Variants in CD72 observed in about 807,000 individuals in gnomAD.
CD72 encodes CD72 molecule, also known as B-cell differentiation antigen CD72.
CD72 carries 28 observed loss-of-function variants against 50.7 expected under a neutral mutation model. The observed-to-expected ratio is 0.55, with a 90% CI of 0.41 to 0.76. The LOEUF (loss-of-function observed/expected upper bound fraction) is 0.76, where lower values mean the gene tolerates loss of function less well. CD72 is among the 30% of genes least tolerant of loss of function. CD72 has a pLI of 0.00. For synonymous variants in CD72, 176 were observed against 171.2 expected, an observed-to-expected ratio of 1.03 and a Z score of -0.22; for missense variants, 403 against 420.6, an observed-to-expected ratio of 0.96 and a Z score of 0.37.
chr9:35,640,883 C>T (rs1030328051), intron 1 of CD72, among the ~76,000 whole-genome samples: 3 of 152,254 alleles, frequency 2.0e-5, no homozygotes, highest in Admixed American at 6.5e-5. Flanking sequence ...GCTGTGCTCT[C>T]AGGCAAAAGG....
At chr9:35,641,405 C>T (rs1362602013) in intron 1 of CD72, among the ~76,000 whole-genome samples, 1 of 152,118 alleles carries the variant, frequency 6.6e-6, no homozygotes, top group Non-Finnish European at 1.5e-5. Flanking sequence ...ACTTCTTTGG[C>T]ACACTTTACA....
At position 35,610,623 on chromosome 9, in the gene CD72, C is replaced by T; in HGVS notation, c.*1G>A. The T allele has an allele frequency of 2.5e-6, 4 of 1,613,672 alleles. No individual in the cohort carries two copies. Among genetic ancestry groups the T allele is most frequent in the Non-Finnish European group, 3.4e-6 (4 of 1,179,748 alleles). On this transcript the variant is annotated 3_prime_UTR_variant, in exon 8 of 9. Transcript: ENST00000259633. ...TTACCAACTCAGTGCAAAGGACTGTCCTAATCTGGAAACCTGAAAGCTGTC... is the reference window on the plus strand; with the variant it reads ...TTACCAACTCAGTGCAAAGGACTGTTCTAATCTGGAAACCTGAAAGCTGTC...
intron 6 of CD72, 47 bp downstream of exon 6, chr9:35,612,801 T>A (rs1387770781): frequency 4.4e-6 from 7 of 1,585,022 alleles, no homozygotes; most frequent in East Asian, 2.2e-5. Context: ...CATATGTCCC[T>A]TTACCTAATA....
intron 1 of CD72, among the ~76,000 whole-genome samples, chr9:35,630,137 C>A (rs1301110143): frequency 1.3e-5 from 2 of 150,250 alleles, no homozygotes; most frequent in African/African-American, 4.9e-5. Context: ...CTCCCGGGTT[C>A]AAGCTATTCT....
rs138398961 is a variant in CD72 at position 35,628,378 on chromosome 9, G to A, written n.409-10257C>T. Among the ~76,000 whole-genome samples, 336 of 152,338 alleles carry A rather than the reference G, an allele frequency of 2.2e-3. 1 individual carries two copies. Among genetic ancestry groups the A allele is most frequent in the African/African-American group, 7.9e-3 (329 of 41,576 alleles). ...GAGGCTGAGGCCGGTGGATTACAAG[G>A]TCAGGAGCTCGAGACCATCCTGGCT... On this transcript the variant is annotated intron_variant and non_coding_transcript_variant, in intron 1 of 3. Transcript: ENST00000465754.
chr9:35,623,928 T>G (rs911975649), upstream of CD72, among the ~76,000 whole-genome samples: 1 of 148,856 alleles, frequency 6.7e-6, no homozygotes, highest in African/African-American at 2.5e-5. Context: ...AAAAATGGGT[T>G]AAAAAGACAA....
At chr9:35,631,659 C>T (rs949649415) in intron 1 of CD72, among the ~76,000 whole-genome samples, 2 of 152,100 alleles carry the variant, frequency 1.3e-5, no homozygotes, top group Non-Finnish European at 2.9e-5. Flanking sequence ...TTTGGGAGGC[C>T]GAGGCGGGCG....
chr9:35,633,805 C>T (rs1040565345), intron 1 of CD72, among the ~76,000 whole-genome samples: 3 of 152,086 alleles, frequency 2.0e-5, no homozygotes, highest in Non-Finnish European at 4.4e-5. Context: ...TAATGTTAGT[C>T]GAAAATGCAT....
intron 2 of CD72, among the ~76,000 whole-genome samples, chr9:35,617,663 A>C (rs1280358972): frequency 6.6e-6 from 1 of 151,608 alleles, no homozygotes; most frequent in African/African-American, 2.4e-5. Context: ...AGGGGTCTCC[A>C]CCTTGCGGGA....
rs1243869556 is a variant in CD72, at chr9:35,610,684, C to T, written c.1020G>A (p.Glu340=). ...TGTAGGGAAGAGAACTTCTACATGACTCTGACTCCAGTGTCCACCATGACC... is the reference window on the plus strand; with the variant it reads ...TGTAGGGAAGAGAACTTCTACATGATTCTGACTCCAGTGTCCACCATGACC... ...KTWSWWTLES[E]SCRSSLPYIC... The change falls in exon 8 of 9, where the codon GAG becomes GAA. Residue 340 remains glutamate, a synonymous_variant. Coordinates refer to ENST00000259633, the MANE Select transcript of CD72 (RefSeq NM_001782.3). The T allele has an allele frequency of 1.9e-6, 3 of 1,613,122 alleles. No individual in the cohort carries two copies. Among genetic ancestry groups the T allele is most frequent in the East Asian group, 2.2e-5 (1 of 44,892 alleles).
At chr9:35,627,801 C>G (rs1257607390) in intron 1 of CD72, among the ~76,000 whole-genome samples, 1 of 152,104 alleles carries the variant, frequency 6.6e-6, no homozygotes, top group Non-Finnish European at 1.5e-5. Context: ...GCTTGTCCCA[C>G]TGATGCTCCT....
intron 1 of CD72, among the ~76,000 whole-genome samples, chr9:35,631,845 G>A (rs373597851): frequency 3.1e-4 from 47 of 152,116 alleles, no homozygotes; most frequent in South Asian, 1.5e-3. Context: ...AGCCGAGATC[G>A]CCGAGCCACT....
chr9:35,612,207 G>A (rs1260996477), intron 6 of CD72, among the ~76,000 whole-genome samples: 1 of 152,144 alleles, frequency 6.6e-6, no homozygotes, highest in East Asian at 1.9e-4. Flanking sequence ...CCAGGTGTGG[G>A]ACCTCTCTGC....
chr9:35,646,249 A>G (rs559745099), intron 1 of CD72: 4 of 152,162 alleles, frequency 2.6e-5, no homozygotes, highest in Admixed American at 2.6e-4. Flanking sequence ...ATGTGTCCCT[A>G]TCCTCCTAGC....
chr9:35,628,850 G>T (rs555918993), intron 1 of CD72, among the ~76,000 whole-genome samples: 2 of 152,212 alleles, frequency 1.3e-5, no homozygotes, highest in Non-Finnish European at 2.9e-5. Flanking sequence ...CCAGTTTTTC[G>T]CCATGCATGT....
At chr9:35,624,071 G>T (rs1221645004), upstream of CD72, among the ~76,000 whole-genome samples, 1 of 151,528 alleles carries the variant, frequency 6.6e-6, no homozygotes, top group East Asian at 1.9e-4. Context: ...AATTAGCTGG[G>T]CGTGGTGGCA....
rs751485430 is a variant in CD72 at position 35,610,599 on chromosome 9, T to TA, written c.*22+2dup. The TA allele has an allele frequency of 1.2e-6, 2 of 1,610,622 alleles. No homozygotes were observed. The highest frequency in any genetic ancestry group is 1.7e-6 in the Non-Finnish European group (2 of 1,178,026). On this transcript the variant is annotated splice_region_variant and intron_variant, in intron 8 of 8. Coordinates refer to ENST00000259633, the MANE Select transcript of CD72 (RefSeq NM_001782.3). ...ATGCCTCAGCCCCATCCCTCACTCT[T>TA]ACCAACTCAGTGCAAAGGACTGTCC...
chr9:35,643,454 T>C (rs1278304989), intron 1 of CD72: 1 of 152,208 alleles, frequency 6.6e-6, no homozygotes, highest in Non-Finnish European at 1.5e-5. Context: ...TGCTCTGGGA[T>C]TCCCATTCCA....
intron 1 of CD72, among the ~76,000 whole-genome samples, chr9:35,633,541 TTA>T (rs1823265329): frequency 6.6e-6 from 1 of 152,204 alleles, no homozygotes; most frequent in African/African-American, 2.4e-5. Flanking sequence ...GCATTGTAAT[TTA>T]TATACAACAA....
Sources: gnomAD v4.1 joint callset for allele counts (sites outside exome capture counted in the v4.1 genomes callset) on GRCh38, gnomAD v4.1.1 for gene constraint, MANE v1.5 for transcripts, NCBI Gene and HGNC (gene_info 2026-07-23, HGNC 2026-07-21) for gene names.